The following DAB1 variants were observed in gnomAD, a reference collection of about 807,000 sequenced individuals.
DAB1 encodes the protein DAB adaptor protein 1, also known as disabled homolog 1.
Under a neutral mutation model 64.6 loss-of-function variants are expected in DAB1, and 15 were observed. The observed-to-expected ratio is 0.23, with a 90% CI of 0.16 to 0.36. The LOEUF (loss-of-function observed/expected upper bound fraction) is 0.36, where lower values mean the gene tolerates loss of function less well. DAB1 is among the 10% of genes least tolerant of loss of function. DAB1 has a pLI of 1.00. For synonymous variants in DAB1, 235 were observed against 251.9 expected (o/e 0.93, Z 0.64); for missense variants, 596 against 706.7 (o/e 0.84, Z 1.78).
chr1:57,183,632 C>T (rs1208359843), intron 2 of DAB1, among the ~76,000 whole-genome samples: 2 of 152,134 alleles, frequency 1.3e-5, no homozygotes, highest in Non-Finnish European at 2.9e-5. Flanking sequence ...ATGATACTTT[C>T]AAACTATGGT....
In DAB1 at chr1:57,497,484, G is replaced by A. The variant is rs190752801; in HGVS notation, n.625+152108C>T. Among the ~76,000 whole-genome samples, 71 of 152,300 alleles carry A rather than the reference G, an allele frequency of 4.7e-4. 1 individual carries two copies. The highest frequency in any genetic ancestry group is 4.6e-3 in the Admixed American group (71 of 15,294). On this transcript the variant is annotated intron_variant and non_coding_transcript_variant, in intron 7 of 20. Transcript: ENST00000485760. ...GAAAGACATTCTCCTCTGCCCTCATGGAGTTTCTAGTCTAGTGATGGATGT... is the reference window on the plus strand; with the variant it reads ...GAAAGACATTCTCCTCTGCCCTCATAGAGTTTCTAGTCTAGTGATGGATGT...
At chr1:57,817,481 A>T (rs1231911952) in intron 6 of DAB1, among the ~76,000 whole-genome samples, 2 of 152,178 alleles carry the variant, frequency 1.3e-5, no homozygotes, top group Non-Finnish European at 2.9e-5. Flanking sequence ...GCTCTGGAAG[A>T]TATTTTCTGT....
At chr1:58,101,696 A>G (rs1450872914) in intron 5 of DAB1, among the ~76,000 whole-genome samples, 1 of 152,228 alleles carries the variant, frequency 6.6e-6, no homozygotes, top group Admixed American at 6.5e-5. Context: ...CTTTTCTTCT[A>G]TGCAACTTTC....
In DAB1 at chr1:57,072,413, G is replaced by A. The variant is rs758139028; in HGVS notation, c.308C>T (p.Ala103Val). Residue 103 changes from alanine to valine, a missense_variant and splice_region_variant, in exon 5 of 15, where the codon GCC becomes GTC. Around this residue, in one of 3 missense-constraint regions of DAB1, gnomAD observed 176 missense variants for 266.7 expected, o/e 0.66. Transcript: ENST00000371236. ...ATGAACAGCATGATGATGCTGAAGG[G>A]CCTATCAGAGAAAAAAAAGGAAGAA... is the stretch of plus-strand genomic sequence containing the variant. ...GIKIFDEKTG[A>V]LQHHHAVHEI... is the part of the protein sequence containing the mutation. The A allele has an allele frequency of 1.2e-6, 2 of 1,611,014 alleles. No individual in the cohort carries two copies. Among genetic ancestry groups the A allele is most frequent in the South Asian group, 2.2e-5 (2 of 90,294 alleles).
intron 2 of DAB1, among the ~76,000 whole-genome samples, chr1:57,235,707 T>TTA (rs1668037239): frequency 6.8e-6 from 1 of 148,034 alleles, no homozygotes. Context: ...TTCAAAACTT[T>TTA]AAAAAAGAAA....
chr1:58,118,679 CA>C (rs1344665583), intron 5 of DAB1, among the ~76,000 whole-genome samples: 1 of 144,868 alleles, frequency 6.9e-6, no homozygotes, highest in African/African-American at 2.6e-5. Flanking sequence ...CATATATATA[CA>C]TATATATATC....
intron 1 of DAB1, among the ~76,000 whole-genome samples, chr1:57,395,179 C>T (rs1682704901): frequency 6.6e-6 from 1 of 152,092 alleles, no homozygotes; most frequent in African/African-American, 2.4e-5. Flanking sequence ...TGTGTGCGAC[C>T]ACGCTCAGCT....
At chr1:58,528,508 C>T (rs61781815) in intron 1 of DAB1, among the ~76,000 whole-genome samples, 20,220 of 152,116 alleles carry the variant, frequency 0.13, 1,486 homozygotes, top group African/African-American at 0.19. Context: ...TTTTGTCCTC[C>T]AGGGACATTT....
intron 7 of DAB1, among the ~76,000 whole-genome samples, chr1:57,598,609 C>A (rs993748548): frequency 6.6e-6 from 1 of 152,150 alleles, no homozygotes; most frequent in Non-Finnish European, 1.5e-5. Context: ...GGAAAAGACA[C>A]CCTCCCAAGG....
intron 5 of DAB1, among the ~76,000 whole-genome samples, chr1:57,972,513 G>A (rs1424963062): frequency 6.6e-6 from 1 of 152,184 alleles, no homozygotes; most frequent in Non-Finnish European, 1.5e-5. Flanking sequence ...CAAGTGCTGG[G>A]ATTATTCCCA....
chr1:57,246,744 C>T (rs1326213947), intron 2 of DAB1, among the ~76,000 whole-genome samples: 7 of 152,228 alleles, frequency 4.6e-5, no homozygotes. Context: ...TCCTGCAGCG[C>T]TCCAGGGGCA....
rs948774287 is a variant in DAB1, at chr1:57,492,943, A to G, written n.625+156649T>C. On this transcript the variant is annotated intron_variant and non_coding_transcript_variant, in intron 7 of 20. Transcript: ENST00000485760. ...GACTTAATTCAGGCATCTGCAGCAC[A>G]TTGTTCATGAAGCTATCCCTGGCTT... Among the ~76,000 whole-genome samples the G allele has an allele frequency of 2.8e-4, 43 of 151,878 alleles. 1 individual carries two copies. Among genetic ancestry groups the G allele is most frequent in the African/African-American group, 1.0e-3 (43 of 41,366 alleles).
intron 2 of DAB1, among the ~76,000 whole-genome samples, chr1:57,263,120 A>ATT (rs57596595): frequency 0.037 from 5,457 of 148,828 alleles, 116 homozygotes; most frequent in East Asian, 0.049. Flanking sequence ...AGAAGATAAA[A>ATT]TTTTTTTTTT....
intron 6 of DAB1, among the ~76,000 whole-genome samples, chr1:57,711,455 G>T (rs1011128819): frequency 6.6e-6 from 1 of 152,224 alleles, no homozygotes; most frequent in African/African-American, 2.4e-5. Context: ...CTGACAGGGG[G>T]AGTGGTGGGG....
chr1:58,186,626 T>A (rs1278910978), intron 4 of DAB1, among the ~76,000 whole-genome samples: 1 of 152,224 alleles, frequency 6.6e-6, no homozygotes, highest in Non-Finnish European at 1.5e-5. Flanking sequence ...ATTAGTTTTA[T>A]TTTTCTGCAA....
chr1:57,355,467 T>C (rs1253435283), intron 1 of DAB1, among the ~76,000 whole-genome samples: 2 of 151,818 alleles, frequency 1.3e-5, no homozygotes, highest in African/African-American at 4.8e-5. Flanking sequence ...AAAGTCACAG[T>C]CTACTGGTAG....
intron 6 of DAB1, among the ~76,000 whole-genome samples, chr1:57,702,950 A>G (rs532956177): frequency 6.6e-5 from 10 of 152,186 alleles, no homozygotes; most frequent in Non-Finnish European, 1.0e-4. Flanking sequence ...AGGATTCCTT[A>G]TTCAATAAAT....
At chr1:57,475,546 T>A (rs547325902) in intron 7 of DAB1, among the ~76,000 whole-genome samples, 2 of 152,302 alleles carry the variant, frequency 1.3e-5, no homozygotes, top group South Asian at 4.1e-4. Context: ...AGGGGTATAG[T>A]CACTTGCCAC....
chr1:57,029,078 C>A (rs1461971131), intron 9 of DAB1, among the ~76,000 whole-genome samples: 1 of 152,118 alleles, frequency 6.6e-6, no homozygotes, highest in Non-Finnish European at 1.5e-5. Context: ...CCTGGAGGCC[C>A]AGGAGGAAAA....
Sources: allele counts gnomAD v4.1 joint callset (sites outside exome capture counted in the v4.1 genomes callset), GRCh38; gene constraint gnomAD v4.1.1; regional missense constraint gnomAD v4.1.1; transcripts MANE v1.5; gene names NCBI Gene and HGNC (gene_info 2026-07-23, HGNC 2026-07-21).